The following NKAIN2 variants were observed in gnomAD, a reference collection of about 807,000 sequenced individuals.
The protein encoded by NKAIN2 is sodium/potassium-transporting ATPase subunit beta-1-interacting protein 2.
In NKAIN2, 14 loss-of-function variants were observed where a neutral mutation model predicts 32.6. The observed-to-expected ratio is 0.43, with a 90% CI of 0.28 to 0.67. NKAIN2 has a LOEUF of 0.67. Ranked by LOEUF, NKAIN2 falls within the 30% of genes least tolerant of loss-of-function variation. The probability of loss-of-function intolerance (pLI) is 0.17; values close to 1 mark genes in which losing one functional copy is unlikely to be tolerated. For synonymous variants in NKAIN2, 80 were observed against 87.2 expected, an observed-to-expected ratio of 0.92 and a Z score of 0.46; for missense variants, 198 against 258.3, an observed-to-expected ratio of 0.77 and a Z score of 1.60.
intron 1 of NKAIN2, among the ~76,000 whole-genome samples, chr6:123,831,662 T>G (rs377142733): frequency 1.2e-4 from 17 of 136,798 alleles, no homozygotes; most frequent in South Asian, 8.9e-4. Context: ...TTTTTTTTTG[T>G]TTTTTTTTTT....
At chr6:123,906,263 T>G (rs1774861634) in intron 1 of NKAIN2, among the ~76,000 whole-genome samples, 1 of 151,582 alleles carries the variant, frequency 6.6e-6, no homozygotes, top group Non-Finnish European at 1.5e-5. Flanking sequence ...TAGCACCACT[T>G]TCTTCTTCTT....
intron 1 of NKAIN2, among the ~76,000 whole-genome samples, chr6:123,954,763 G>T (rs746019564): frequency 6.6e-6 from 1 of 152,158 alleles, no homozygotes; most frequent in East Asian, 1.9e-4. Flanking sequence ...TCTCTGGCTT[G>T]TTTATTGTTG....
rs564551454 is a variant in NKAIN2, at chr6:124,340,767, A to G, written c.193-14500A>G. Among the ~76,000 whole-genome samples, 23 of 152,272 alleles carry G rather than the reference A, an allele frequency of 1.5e-4. 2 individuals are homozygous for G. In the South Asian group the frequency reaches 4.6e-3, roughly 30 times the overall value. ...TACATACATGCAGGGTAATGTTTCT[A>G]TATAACTTAATTTATAATTGTAGGT... On this transcript the variant is annotated intron_variant, in intron 2 of 6. Coordinates refer to ENST00000368417, the MANE Select transcript of NKAIN2 (RefSeq NM_001040214.3).
chr6:123,995,798 G>T (rs571570824), intron 1 of NKAIN2, among the ~76,000 whole-genome samples: 1 of 152,264 alleles, frequency 6.6e-6, no homozygotes, highest in South Asian at 2.1e-4. Flanking sequence ...TATTTCACAA[G>T]TTCACTATGA....
rs574700405 is a variant in NKAIN2, at chr6:123,897,709, G to C, written c.54+93455G>C. 4.6e-5 allele frequency among the ~76,000 whole-genome samples: 7 copies of C among 152,114 alleles called. No individual in the cohort carries two copies. In the South Asian group the frequency reaches 1.5e-3, roughly 32 times the overall value. On this transcript the variant is annotated intron_variant, in intron 1 of 6. Coordinates refer to ENST00000368417, the MANE Select transcript of NKAIN2 (RefSeq NM_001040214.3). ...AATGTCATCTCCTGCTTACTACCAAGCAATGTCTGGCATAGAGAGGGTGCT... is the reference window on the plus strand; with the variant it reads ...AATGTCATCTCCTGCTTACTACCAACCAATGTCTGGCATAGAGAGGGTGCT...
At chr6:124,080,333 A>G (rs910180001) in intron 1 of NKAIN2, among the ~76,000 whole-genome samples, 1 of 152,172 alleles carries the variant, frequency 6.6e-6, no homozygotes, top group African/African-American at 2.4e-5. Flanking sequence ...GAATTGAGTT[A>G]GCCTCTTGCA....
intron 1 of NKAIN2, among the ~76,000 whole-genome samples, chr6:124,122,866 C>A (rs1017885325): frequency 2.0e-5 from 3 of 151,842 alleles, no homozygotes; most frequent in Admixed American, 2.0e-4. Context: ...TAAAAAACAA[C>A]AACAACAACA....
chr6:124,101,726 G>A (rs1784901272), intron 1 of NKAIN2, among the ~76,000 whole-genome samples: 1 of 152,038 alleles, frequency 6.6e-6, no homozygotes, highest in South Asian at 2.1e-4. Flanking sequence ...AGTATTTCAG[G>A]ACAATAACTT....
At chr6:124,574,353 C>A (rs1042621372) in intron 3 of NKAIN2, among the ~76,000 whole-genome samples, 5 of 151,704 alleles carry the variant, frequency 3.3e-5, no homozygotes, top group African/African-American at 9.7e-5. Flanking sequence ...CACAGTGGCT[C>A]ACACCTGTAA....
intron 1 of NKAIN2, among the ~76,000 whole-genome samples, chr6:123,974,050 A>T (rs1378550016): frequency 6.6e-6 from 1 of 152,216 alleles, no homozygotes; most frequent in Non-Finnish European, 1.5e-5. Flanking sequence ...AAGTGCTTTC[A>T]TATAAATGAT....
At chr6:124,640,610 T>C (rs1430954879) in intron 3 of NKAIN2, among the ~76,000 whole-genome samples, 2 of 152,190 alleles carry the variant, frequency 1.3e-5, no homozygotes, top group African/African-American at 2.4e-5. Context: ...CAGTGAGAAG[T>C]TGATCTTTCA....
intron 1 of NKAIN2, among the ~76,000 whole-genome samples, chr6:124,197,728 G>A (rs116826017): frequency 0.014 from 2,118 of 151,846 alleles, 51 homozygotes; most frequent in African/African-American, 0.049. Context: ...GCCCAGAAAG[G>A]TCCTTCATGC....
intron 3 of NKAIN2, among the ~76,000 whole-genome samples, chr6:124,466,914 C>CA (rs927573590): frequency 6.6e-6 from 1 of 151,484 alleles, no homozygotes; most frequent in Non-Finnish European, 1.5e-5. Context: ...GAAATATTTC[C>CA]AAAAAAAGGA....
intron 1 of NKAIN2, among the ~76,000 whole-genome samples, chr6:124,008,551 T>C (rs1421994698): frequency 6.6e-6 from 1 of 152,108 alleles, no homozygotes; most frequent in Non-Finnish European, 1.5e-5. Context: ...TCAGAACTAA[T>C]GCCATTGTGA....
intron 1 of NKAIN2, among the ~76,000 whole-genome samples, chr6:123,925,929 T>A (rs953500037): frequency 6.6e-6 from 1 of 152,234 alleles, no homozygotes; most frequent in African/African-American, 2.4e-5. Flanking sequence ...TTCTGGTGGA[T>A]GAGAAGTCCA....
chr6:124,115,164 G>C (rs1053886038), intron 1 of NKAIN2, among the ~76,000 whole-genome samples: 2 of 152,062 alleles, frequency 1.3e-5, no homozygotes, highest in African/African-American at 4.8e-5. Flanking sequence ...TTTAACGTTA[G>C]GCTATATATA....
chr6:124,443,857 T>C (rs1270315302), intron 3 of NKAIN2, among the ~76,000 whole-genome samples: 1 of 152,086 alleles, frequency 6.6e-6, no homozygotes, highest in Admixed American at 6.6e-5. Context: ...TCCAAAATGC[T>C]GTTCATTTTC....
At chr6:124,533,413 A>T (rs1001772367) in intron 3 of NKAIN2, among the ~76,000 whole-genome samples, 2 of 139,772 alleles carry the variant, frequency 1.4e-5, no homozygotes, top group Non-Finnish European at 3.0e-5. Flanking sequence ...TGGAGCTAGC[A>T]GTGAGCCGAG....
At chr6:124,198,841 T>C (rs1289819954) in intron 1 of NKAIN2, among the ~76,000 whole-genome samples, 1 of 152,126 alleles carries the variant, frequency 6.6e-6, no homozygotes, top group Non-Finnish European at 1.5e-5. Context: ...TTCTTTGTAA[T>C]TCAGGTCATT....
Sources: allele counts gnomAD v4.1 joint callset (sites outside exome capture counted in the v4.1 genomes callset), GRCh38; gene constraint gnomAD v4.1.1; transcripts MANE v1.5; gene names NCBI Gene and HGNC (gene_info 2026-07-23, HGNC 2026-07-21).